CLEC17A: variants seen among roughly 807,000 people sequenced by gnomAD.
CLEC17A encodes the protein C-type lectin domain containing 17A, also known as C-type lectin domain family 17, member A.
A neutral mutation model predicts 61.3 loss-of-function variants in CLEC17A; 37 were observed. The ratio of observed to expected loss-of-function variants is 0.60; its 90% CI spans 0.46 to 0.79. CLEC17A has a LOEUF of 0.79. CLEC17A is among the 30% of genes least tolerant of loss of function. The pLI, the probability that CLEC17A is intolerant of heterozygous loss-of-function variation, is 0.00. For synonymous variants in CLEC17A, 168 were observed against 164.9 expected (o/e 1.02, Z -0.14); for missense variants, 418 against 464.7 (o/e 0.90, Z 0.92).
chr19:14,585,095 A>G (rs558201272), intron 2 of CLEC17A, among the ~76,000 whole-genome samples: 70 of 152,288 alleles, frequency 4.6e-4, no homozygotes, highest in Non-Finnish European at 7.1e-4. Flanking sequence ...CTTTCAATCA[A>G]ACCCTCAAAG....
At chr19:14,592,475 G>A (rs2146688720) in intron 4 of CLEC17A, 117 bp downstream of exon 4, 1 of 1,538,520 alleles carries the variant, frequency 6.5e-7, no homozygotes, top group South Asian at 1.2e-5. Flanking sequence ...CCCATGCCAG[G>A]CACTGTGCAA....
At position 14,610,289 on chromosome 19, in the gene CLEC17A, T is replaced by A. The variant is rs2075016848; in HGVS notation, c.*93T>A. 6.7e-7 allele frequency: 1 copy of A among 1,495,170 alleles called. No homozygotes were observed. The highest frequency in any genetic ancestry group is 8.9e-7 in the Non-Finnish European group (1 of 1,119,918). 92.6% of individuals were successfully genotyped at this position (1,495,170 alleles called of 1,614,324 possible). Reference sequence around the variant, plus strand: ...GTGGACGGCCTTGCCTCTTCGTGAGTGGACACACAGATGTGCCTCAAACAG... The same window carrying A: ...GTGGACGGCCTTGCCTCTTCGTGAGAGGACACACAGATGTGCCTCAAACAG... On this transcript the variant is annotated 3_prime_UTR_variant, in exon 14 of 14. Coordinates refer to ENST00000417570, the MANE Select transcript of CLEC17A (RefSeq NM_001204118.2).
rs1258682456 is a variant in CLEC17A, at chr19:14,597,060, A to G, written c.584-39A>G. 8 of 1,611,760 alleles carry G rather than the reference A, an allele frequency of 5.0e-6. No homozygotes were observed. In the Admixed American group the frequency reaches 6.7e-5, roughly 14 times the overall value. On this transcript the variant is annotated intron_variant, in intron 9 of 13. Transcript: ENST00000417570. ...CATGGGGAGAGATTGGGGAGGGTGC[A>G]CAGGAGGACCTGGGCTCAATTTGGA...
At chr19:14,594,713 C>T (rs764851867) in intron 6 of CLEC17A, 31 bp downstream of exon 6, 10 of 1,613,866 alleles carry the variant, frequency 6.2e-6, no homozygotes, top group South Asian at 1.1e-5. Context: ...TCTTCCTGCT[C>T]ACCTGGCTGA....
In CLEC17A at chr19:14,610,162, C is replaced by T. The variant is rs369718540; in HGVS notation, c.1103C>T (p.Thr368Met). The change falls in exon 14 of 14, where the codon ACG becomes ATG. Residue 368 changes from threonine (T) to methionine (M), a missense_variant. By Grantham distance (81) the Thr-to-Met change is moderately conservative (BLOSUM62 -1). Coordinates refer to ENST00000417570, the MANE Select transcript of CLEC17A (RefSeq NM_001204118.2). Reference sequence around the variant, plus strand: ...AATGATCTCTCTTGCTACAAAACTACGTATTGGATTTGTGAGCGGAAATGT... The same window carrying T: ...AATGATCTCTCTTGCTACAAAACTATGTATTGGATTTGTGAGCGGAAATGT... The part of the protein sequence containing the change: ...TWNDLSCYKT[T>M]YWICERKCSC The T allele has an allele frequency of 2.8e-5, 45 of 1,589,236 alleles. No homozygotes were observed. The African/African-American group carries it at 4.2e-4, about 15-fold the overall frequency.
upstream of CLEC17A, among the ~76,000 whole-genome samples, chr19:14,581,164 G>A (rs73002868): frequency 9.1e-4 from 139 of 152,266 alleles, no homozygotes; most frequent in Non-Finnish European, 1.7e-3. Flanking sequence ...GTTCCTTGTT[G>A]TTGAAGCCAA....
At chr19:14,594,839 G>C in intron 7 of CLEC17A, 39 bp downstream of exon 7, 1 of 1,568,700 alleles carries the variant, frequency 6.4e-7, no homozygotes, top group East Asian at 2.2e-5. Flanking sequence ...CCTAAGAGGG[G>C]ATACCTGGAT....
intron 3 of CLEC17A, among the ~76,000 whole-genome samples, chr19:14,592,045 C>G (rs186198391): frequency 4.7e-4 from 71 of 152,274 alleles, no homozygotes; most frequent in African/African-American, 1.7e-3. Flanking sequence ...GGGACAAGAC[C>G]TGGCTACCAC....
In CLEC17A at chr19:14,611,390, T is replaced by G. The variant is rs2056460498; in HGVS notation, c.*1194T>G. ...TCTATCCTTTTTTTTTTTTTTTTTT[T>G]TTTTTGAGATAGGGTTTCATTCTAC... is the stretch of plus-strand genomic sequence containing the variant. On this transcript the variant is annotated 3_prime_UTR_variant, in exon 14 of 14. Coordinates refer to ENST00000417570, the MANE Select transcript of CLEC17A (RefSeq NM_001204118.2). Among the ~76,000 whole-genome samples, 1 of 148,450 alleles carries G rather than the reference T, an allele frequency of 6.7e-6. No individual in the cohort carries two copies. The highest frequency in any genetic ancestry group is 6.8e-5 in the Admixed American group (1 of 14,802).
intron 2 of CLEC17A, 41 bp downstream of exon 2, chr19:14,583,475 G>T (rs764149900): frequency 1.9e-6 from 3 of 1,611,684 alleles, no homozygotes; most frequent in East Asian, 2.2e-5. Context: ...GGAATACAGG[G>T]AATGGGGTCT....
intron 13 of CLEC17A, among the ~76,000 whole-genome samples, chr19:14,607,499 G>T (rs1231128465): frequency 6.6e-6 from 1 of 150,904 alleles, no homozygotes; most frequent in Admixed American, 6.6e-5. Context: ...CACCGCGCCC[G>T]GCCAGGAGCT....
intron 12 of CLEC17A, among the ~76,000 whole-genome samples, chr19:14,600,472 TTA>T (rs1357931695): frequency 6.6e-6 from 1 of 152,226 alleles, no homozygotes; most frequent in Non-Finnish European, 1.5e-5. Flanking sequence ...GTAGCACTTT[TTA>T]TGTTTCAGGT....
chr19:14,597,053 A>G, intron 9 of CLEC17A, 40 bp downstream of exon 9: 1 of 1,611,556 alleles, frequency 6.2e-7, no homozygotes, highest in South Asian at 1.1e-5. Flanking sequence ...GAGATTGGGG[A>G]GGGTGCACAG....
intron 13 of CLEC17A, among the ~76,000 whole-genome samples, chr19:14,607,657 T>G (rs1484605346): frequency 6.6e-6 from 1 of 151,612 alleles, no homozygotes; most frequent in East Asian, 1.9e-4. Flanking sequence ...CTCACTGTAA[T>G]CTCTGTCTCC....
chr19:14,584,333 G>C (rs1284910925), intron 2 of CLEC17A: 1 of 152,160 alleles, frequency 6.6e-6, no homozygotes, highest in African/African-American at 2.4e-5. Flanking sequence ...GATCAGTAGT[G>C]CGACTGCTCC....
intron 10 of CLEC17A, among the ~76,000 whole-genome samples, chr19:14,597,447 G>GA (rs1277731620): frequency 6.6e-6 from 1 of 152,226 alleles, no homozygotes; most frequent in Non-Finnish European, 1.5e-5. Flanking sequence ...CACTAAGTAT[G>GA]AAATACACAC....
chr19:14,594,612 A>G lies in CLEC17A; in HGVS notation c.311-20A>G, dbSNP rs562083233. ...GCTTTGCCCTGCTCTGGCCCTGACC[A>G]ACCATTCCTCCCTCCTCAGCAAAGG... On this transcript the variant is annotated intron_variant, in intron 5 of 13. Transcript: ENST00000417570. The G allele has an allele frequency of 6.8e-6, 11 of 1,613,662 alleles. No homozygotes were observed. The South Asian group carries it at 1.2e-4, about 18-fold the overall frequency.
chr19:14,609,033 C>A (rs934596611), intron 13 of CLEC17A, among the ~76,000 whole-genome samples: 8 of 152,060 alleles, frequency 5.3e-5, no homozygotes, highest in African/African-American at 1.7e-4. Flanking sequence ...ATCCTGACCT[C>A]AGGTGATCTA....
intron 6 of CLEC17A, 26 bp downstream of exon 6, chr19:14,594,708 C>T: frequency 1.2e-6 from 2 of 1,613,982 alleles, no homozygotes; most frequent in Non-Finnish European, 1.7e-6. Flanking sequence ...TGGAGTCTTC[C>T]TGCTCACCTG....
Sources: gnomAD v4.1 joint callset for allele counts (sites outside exome capture counted in the v4.1 genomes callset) on GRCh38, gnomAD v4.1.1 for gene constraint, MANE v1.5 for transcripts, NCBI Gene and HGNC (gene_info 2026-07-23, HGNC 2026-07-21) for gene names.